Variants in ZFP82 observed in about 807,000 individuals in gnomAD.
The protein encoded by ZFP82 is zinc finger protein 82 homolog.
Under a neutral mutation model 54.0 loss-of-function variants are expected in ZFP82, and 30 were observed. That is an observed-to-expected ratio of 0.56 (90% CI 0.42 to 0.75). The LOEUF (loss-of-function observed/expected upper bound fraction) is 0.75, where lower values mean the gene tolerates loss of function less well. Among genes scored for constraint, ZFP82 ranks in the 30% least tolerant of loss-of-function variants. The pLI, the probability that ZFP82 is intolerant of heterozygous loss-of-function variation, is 0.00. For missense variants in ZFP82, 500 were observed against 636.8 expected (o/e 0.79, Z 2.31); for synonymous variants, 194 against 209.5 (o/e 0.93, Z 0.64).
intron 4 of ZFP82, among the ~76,000 whole-genome samples, 198 bp downstream of exon 4, chr19:36,405,382 T>G (rs1456978900): frequency 6.6e-6 from 1 of 152,094 alleles, no homozygotes; most frequent in African/African-American, 2.4e-5. Flanking sequence ...ATCCCCCAGC[T>G]AAGACCTTAA....
chr19:36,399,764 T>C (rs2032352580), intron 4 of ZFP82, among the ~76,000 whole-genome samples: 2 of 152,186 alleles, frequency 1.3e-5, no homozygotes, highest in Non-Finnish European at 2.9e-5. Context: ...TAAATACAGA[T>C]TGCTAAAAAT....
At chr19:36,417,961 G>A (rs1157294602) in intron 1 of ZFP82, among the ~76,000 whole-genome samples, 1 of 152,132 alleles carries the variant, frequency 6.6e-6, no homozygotes, top group African/African-American at 2.4e-5. Context: ...TGCCCAGGCT[G>A]GAGAGTAGTG....
rs1456779810 is a variant in ZFP82 at position 36,405,583 on chromosome 19, G to A, written c.226C>T (p.Pro76Ser). 6 of 1,608,996 alleles carry A rather than the reference G, an allele frequency of 3.7e-6. No individual in the cohort carries two copies. Among genetic ancestry groups the A allele is most frequent in the Non-Finnish European group, 5.1e-6 (6 of 1,176,416 alleles). Residue 76 changes from proline to serine, a missense_variant, in exon 4 of 5, where the codon CCA becomes TCA. Transcript: ENST00000392161. ...TTCCTGCCCAACTAGCCCTCACCTG[G>A]ATATTGTCTTCTTCCTTTCCTCACA... ...KVVRKGRRQY[P>S]DLETKYETKK... is the part of the protein sequence containing the mutation.
Position 36,405,498 on chromosome 19 carries a change from A to T in ZFP82, c.229+82T>A, listed in dbSNP as rs2032465204. ...CACAGACCTTTCAAGAGGGCTTTCT[A>T]AACAACATAAGGATGTGTCTCTTCC... On this transcript the variant is annotated intron_variant, in intron 4 of 4. Coordinates refer to ENST00000392161, the MANE Select transcript of ZFP82 (RefSeq NM_133466.4). 3.8e-6 allele frequency: 4 copies of T among 1,043,456 alleles called. No individual in the cohort carries two copies. In the Admixed American group the frequency reaches 6.7e-5, roughly 18 times the overall value. 64.6% of individuals were successfully genotyped at this position (1,043,456 alleles called of 1,614,324 possible). A position where few individuals can be genotyped will look rare whatever the true frequency, so the allele number is the denominator to read the frequency against.
Position 36,405,535 on chromosome 19 carries a change from G to C in ZFP82, c.229+45C>G, listed in dbSNP as rs553703465. On this transcript the variant is annotated intron_variant, in intron 4 of 4. Coordinates refer to ENST00000392161, the MANE Select transcript of ZFP82 (RefSeq NM_133466.4). ...GATGTGTCTCTTCCCCAGTGATCTG[G>C]GGTTCCCTGTGTTGATGGCTTCTTC... The C allele has an allele frequency of 8.9e-5, 127 of 1,426,792 alleles. 2 individuals are homozygous for C. The South Asian group carries it at 1.5e-3, about 17-fold the overall frequency. 88.4% of individuals were successfully genotyped at this position (1,426,792 alleles called of 1,614,324 possible).
rs561542853 is a variant in ZFP82, at chr19:36,403,316, C to T, written c.229+2264G>A. Among the ~76,000 whole-genome samples, 116 of 106,206 alleles carry T rather than the reference C, an allele frequency of 1.1e-3. 1 individual carries two copies. In the East Asian group the frequency reaches 0.022, roughly 20 times the overall value. 69.7% of individuals were successfully genotyped at this position (106,206 alleles called of 152,430 possible). On this transcript the variant is annotated intron_variant, in intron 4 of 4. Coordinates refer to ENST00000392161, the MANE Select transcript of ZFP82 (RefSeq NM_133466.4). ...CCAGCCTGGGGAACAGAGTAAGACT[C>T]CATCTCAAAAAAAAAAAAAAAAAAA...
chr19:36,409,790 G>A lies in ZFP82; in HGVS notation c.-1C>T, dbSNP rs147262374. 12 of 1,613,630 alleles carry A rather than the reference G, an allele frequency of 7.4e-6. No homozygotes were observed. The African/African-American group carries it at 1.1e-4, about 14-fold the overall frequency. ...GGAGAAAAAAACTTACAAGGGCCAT[G>A]GTATAGAAATTCAAGAACTGGTCAG... On this transcript the variant is annotated 5_prime_UTR_variant, in exon 2 of 5. Transcript: ENST00000392161.
chr19:36,414,537 G>C (rs144975888), intron 1 of ZFP82, among the ~76,000 whole-genome samples: 2 of 150,834 alleles, frequency 1.3e-5, no homozygotes, highest in African/African-American at 4.9e-5. Context: ...CTGATTTTTT[G>C]TATTTTAGTA....
chr19:36,406,383 G>A (rs2032481963), intron 3 of ZFP82, among the ~76,000 whole-genome samples: 1 of 152,056 alleles, frequency 6.6e-6, no homozygotes, highest in Admixed American at 6.5e-5. Flanking sequence ...TATCCCTATT[G>A]GTCACTGGCA....
At chr19:36,410,433 A>ATG (rs141959407) in intron 1 of ZFP82, among the ~76,000 whole-genome samples, 51,545 of 147,828 alleles carry the variant, frequency 0.35, 8,866 homozygotes, top group Non-Finnish European at 0.37. Flanking sequence ...TTATATATGT[A>ATG]TGTGTGTGTG....
At chr19:36,416,073 A>G (rs915177301) in intron 1 of ZFP82, among the ~76,000 whole-genome samples, 1 of 152,262 alleles carries the variant, frequency 6.6e-6, no homozygotes, top group African/African-American at 2.4e-5. Context: ...AGCGATTCAT[A>G]CATGATTAAA....
intron 4 of ZFP82, among the ~76,000 whole-genome samples, chr19:36,401,191 T>C (rs1463151480): frequency 6.6e-6 from 1 of 152,076 alleles, no homozygotes; most frequent in Non-Finnish European, 1.5e-5. Flanking sequence ...CTGCCTTCCC[T>C]AGTTGGTCAC....
intron 3 of ZFP82, among the ~76,000 whole-genome samples, chr19:36,406,931 ATTTCT>A (rs764779062): frequency 7.2e-5 from 11 of 152,188 alleles, no homozygotes; most frequent in East Asian, 1.9e-4. Flanking sequence ...AATATTTATC[ATTTCT>A]TTTCTTTGTA....
At chr19:36,413,058 T>C (rs2032606264) in intron 1 of ZFP82, among the ~76,000 whole-genome samples, 1 of 152,242 alleles carries the variant, frequency 6.6e-6, no homozygotes, top group South Asian at 2.1e-4. Flanking sequence ...CTTTTAGGAA[T>C]TTATCGTTAG....
At chr19:36,413,508 G>T (rs2032614064) in intron 1 of ZFP82, among the ~76,000 whole-genome samples, 1 of 152,154 alleles carries the variant, frequency 6.6e-6, no homozygotes, top group South Asian at 2.1e-4. Context: ...AGCACATTAT[G>T]CAATTATTAA....
At chr19:36,415,368 T>C (rs921999904) in intron 1 of ZFP82, among the ~76,000 whole-genome samples, 42 of 152,004 alleles carry the variant, frequency 2.8e-4, no homozygotes, top group African/African-American at 8.9e-4. Context: ...GTACTAAATA[T>C]AGTTGGCAGC....
chr19:36,400,519 C>CTAT (rs1458657134), intron 4 of ZFP82, among the ~76,000 whole-genome samples: 1 of 152,160 alleles, frequency 6.6e-6, no homozygotes, highest in African/African-American at 2.4e-5. Flanking sequence ...CTCTCACATT[C>CTAT]TATTGATCTT....
intron 1 of ZFP82, among the ~76,000 whole-genome samples, chr19:36,413,375 C>A (rs2032611934): frequency 6.6e-6 from 1 of 151,920 alleles, no homozygotes; most frequent in Admixed American, 6.6e-5. Context: ...TGCACCACTG[C>A]ACTTCAGCGT....
intron 3 of ZFP82, among the ~76,000 whole-genome samples, chr19:36,407,678 T>A (rs557320540): frequency 1.3e-5 from 2 of 152,322 alleles, no homozygotes; most frequent in South Asian, 4.1e-4. Flanking sequence ...GCCCCTTCAT[T>A]ATTAAGGCCC....
Sources: allele counts gnomAD v4.1 joint callset (sites outside exome capture counted in the v4.1 genomes callset), GRCh38; gene constraint gnomAD v4.1.1; transcripts MANE v1.5; gene names NCBI Gene and HGNC (gene_info 2026-07-23, HGNC 2026-07-21).